Variants in ZUP1 observed in about 807,000 individuals in gnomAD.
ZUP1 encodes the protein zinc finger containing ubiquitin peptidase 1, also known as zinc finger-containing ubiquitin peptidase 1.
ZUP1 carries 55 observed loss-of-function variants against 68.1 expected under a neutral mutation model. The ratio of observed to expected loss-of-function variants is 0.81; its 90% CI spans 0.65 to 1.01. The LOEUF is 1.01. Ranked by LOEUF, ZUP1 falls within the 50% of genes least tolerant of loss-of-function variation. The pLI is 0.00. For synonymous variants in ZUP1, 223 were observed against 221.5 expected (o/e 1.01, Z -0.06); for missense variants, 684 against 674.9 (o/e 1.01, Z -0.15).
intron 2 of ZUP1, 73 bp downstream of exon 2, chr6:116,666,561 A>C: frequency 7.3e-7 from 1 of 1,366,390 alleles, no homozygotes; most frequent in Non-Finnish European, 9.8e-7. Flanking sequence ...CTGACTTACA[A>C]ACCAACTTTT....
intron 5 of ZUP1, among the ~76,000 whole-genome samples, chr6:116,655,280 A>G (rs887149702): frequency 4.6e-5 from 7 of 152,200 alleles, no homozygotes; most frequent in African/African-American, 1.7e-4. Flanking sequence ...TGAATGAAGT[A>G]GAACTGTAAG....
intron 9 of ZUP1, among the ~76,000 whole-genome samples, chr6:116,640,545 A>G (rs943008100): frequency 3.3e-5 from 5 of 152,064 alleles, no homozygotes; most frequent in African/African-American, 1.2e-4. Context: ...AACATTCTTA[A>G]AGAAAAGAAT....
intron 2 of ZUP1, among the ~76,000 whole-genome samples, chr6:116,661,696 C>T (rs1776846641): frequency 6.6e-6 from 1 of 152,176 alleles, no homozygotes; most frequent in Non-Finnish European, 1.5e-5. Flanking sequence ...TGCATATACA[C>T]AGAGTGAAAG....
chr6:116,654,064 T>C (rs1776592143), intron 5 of ZUP1, among the ~76,000 whole-genome samples: 1 of 151,948 alleles, frequency 6.6e-6, no homozygotes, highest in South Asian at 2.1e-4. Flanking sequence ...TAACGAAAAA[T>C]AAAAATCTCT....
chr6:116,650,422 CAAAAAA>C (rs61692064), intron 7 of ZUP1, among the ~76,000 whole-genome samples: 1 of 46,546 alleles, frequency 2.1e-5, no homozygotes, highest in Non-Finnish European at 3.9e-5. Context: ...AACTCCGTCT[CAAAAAA>C]AAAAAAAAAA....
intron 9 of ZUP1, among the ~76,000 whole-genome samples, chr6:116,638,925 T>A (rs1775990624): frequency 6.6e-6 from 1 of 152,184 alleles, no homozygotes; most frequent in South Asian, 2.1e-4. Context: ...GGGAGTCCCC[T>A]TTCCTGGTCA....
chr6:116,645,596 A>C, intron 9 of ZUP1, 118 bp downstream of exon 9: 1 of 804,352 alleles, frequency 1.2e-6, no homozygotes, highest in Non-Finnish European at 1.9e-6. Flanking sequence ...AAAAAAAAAA[A>C]AAAAAGAAAA....
chr6:116,646,824 C>T (rs1199511640), intron 8 of ZUP1, among the ~76,000 whole-genome samples: 1 of 152,180 alleles, frequency 6.6e-6, no homozygotes, highest in Non-Finnish European at 1.5e-5. Flanking sequence ...AATCCTCCTG[C>T]TTTGGCCTCT....
Position 116,651,742 on chromosome 6 carries a change from A to C in ZUP1, c.1151-5T>G. 9 of 1,613,036 alleles carry C rather than the reference A, an allele frequency of 5.6e-6. No individual in the cohort carries two copies. The highest frequency in any genetic ancestry group is 7.6e-6 in the Non-Finnish European group (9 of 1,179,632). ...GAATGCAAGGAATCAACATACCTAA[A>C]ATTACACAAGCAAACATGTTACATG... On this transcript the variant is annotated splice_polypyrimidine_tract_variant and splice_region_variant and intron_variant, in intron 6 of 9. Transcript: ENST00000368576.
intron 8 of ZUP1, among the ~76,000 whole-genome samples, chr6:116,646,777 T>C (rs958380018): frequency 4.6e-5 from 7 of 152,194 alleles, no homozygotes; most frequent in African/African-American, 7.2e-5. Flanking sequence ...GGTCTCACTA[T>C]GTCACTCAGG....
chr6:116,646,970 A>C (rs138258792), intron 8 of ZUP1, among the ~76,000 whole-genome samples: 1,544 of 152,324 alleles, frequency 0.01, 17 homozygotes, highest in Non-Finnish European at 0.014. Context: ...TGAACAATGA[A>C]GGACAAGTGA....
At chr6:116,643,211 T>A (rs1776179570) in intron 9 of ZUP1, among the ~76,000 whole-genome samples, 1 of 152,258 alleles carries the variant, frequency 6.6e-6, no homozygotes, top group South Asian at 2.1e-4. Flanking sequence ...TGGAAGAACA[T>A]TCTATGCTCA....
rs911399543 is a variant in ZUP1, at chr6:116,635,826, G to C, written c.*6C>G. The C allele has an allele frequency of 1.3e-6, 2 of 1,596,684 alleles. No individual in the cohort carries two copies. Among genetic ancestry groups the C allele is most frequent in the Admixed American group, 3.6e-5 (2 of 55,786 alleles). ...CAATCACTGAAATGCTTAAATGCTT[G>C]ATTCTTCAAGGAATCTTCTCGGCTG... On this transcript the variant is annotated 3_prime_UTR_variant, in exon 10 of 10. Coordinates refer to ENST00000368576, the MANE Select transcript of ZUP1 (RefSeq NM_145062.3).
intron 2 of ZUP1, 27 bp downstream of exon 2, chr6:116,666,607 T>C (rs1323489544): frequency 5.9e-6 from 9 of 1,513,304 alleles, no homozygotes; most frequent in Admixed American, 2.3e-5. Flanking sequence ...TGTAAACTTA[T>C]AATTTATAAT....
At chr6:116,652,916 G>T (rs965046901) in intron 5 of ZUP1, among the ~76,000 whole-genome samples, 4 of 152,014 alleles carry the variant, frequency 2.6e-5, no homozygotes, top group African/African-American at 9.7e-5. Flanking sequence ...TACTCTTCTT[G>T]CTGTAATTTT....
intron 7 of ZUP1, among the ~76,000 whole-genome samples, chr6:116,648,432 A>ACC (rs1391662843): frequency 3.3e-5 from 5 of 152,176 alleles, no homozygotes; most frequent in Admixed American, 3.3e-4. Context: ...CTGGTAACTT[A>ACC]CAGTTGGTTA....
In ZUP1 at chr6:116,666,633, C is replaced by A; in HGVS notation, c.559+1G>T. On this transcript the variant is annotated splice_donor_variant, in intron 2 of 9. Coordinates refer to ENST00000368576, the MANE Select transcript of ZUP1 (RefSeq NM_145062.3). LOFTEE classifies it high-confidence loss of function. Reference sequence around the variant, plus strand: ...AATTTATAATGAAATGAAAACTTTACCTTCCAATGGAATGTCTAAAAGATT... The same window carrying A: ...AATTTATAATGAAATGAAAACTTTAACTTCCAATGGAATGTCTAAAAGATT... The A allele has an allele frequency of 6.5e-7, 1 of 1,544,726 alleles. No homozygotes were observed. The highest frequency in any genetic ancestry group is 8.7e-7 in the Non-Finnish European group (1 of 1,148,598).
chr6:116,640,868 G>T (rs1214094387), intron 9 of ZUP1, among the ~76,000 whole-genome samples: 1 of 150,096 alleles, frequency 6.7e-6, no homozygotes, highest in Non-Finnish European at 1.5e-5. Flanking sequence ...TGGACTAAAT[G>T]CTCCAATTAA....
In ZUP1 at chr6:116,645,800, G is replaced by C; in HGVS notation, c.1603C>G (p.Gln535Glu). The change falls in exon 9 of 10, where the codon CAA becomes GAA. Residue 535 changes from glutamine to glutamate, a missense_variant. Gln to Glu is a conservative substitution (Grantham distance 29, BLOSUM62 2). Transcript: ENST00000368576. The stretch of plus-strand genomic sequence containing the variant: ...AAATTTCCCATAGATTTCCGAAGTT[G>C]CTTGAGACTGCTAGCCTCTATGTCT... ...KQDIEASSLK[Q>E]LRKSMGNLKH... The C allele has an allele frequency of 6.2e-7, 1 of 1,613,912 alleles. No individual in the cohort carries two copies. Among genetic ancestry groups the C allele is most frequent in the Non-Finnish European group, 8.5e-7 (1 of 1,179,914 alleles).
Sources: allele counts gnomAD v4.1 joint callset (sites outside exome capture counted in the v4.1 genomes callset), GRCh38; gene constraint gnomAD v4.1.1; transcripts MANE v1.5; gene names NCBI Gene and HGNC (gene_info 2026-07-23, HGNC 2026-07-21).